The following INO80 variants were observed in gnomAD, a reference collection of about 807,000 sequenced individuals.
INO80 encodes the protein chromatin-remodeling ATPase INO80.
INO80 carries 20 observed loss-of-function variants against 203.4 expected under a neutral mutation model. That is an observed-to-expected ratio of 0.10 (90% CI 0.07 to 0.14). The LOEUF (loss-of-function observed/expected upper bound fraction) is 0.14, where lower values mean the gene tolerates loss of function less well. Ranked by LOEUF, INO80 falls within the 10% of genes least tolerant of loss-of-function variation. The pLI, the probability that INO80 is intolerant of heterozygous loss-of-function variation, is 1.00. For synonymous variants in INO80, 726 were observed against 685.2 expected, an observed-to-expected ratio of 1.06 and a Z score of -0.93; for missense variants, 1,419 against 1,914.4, an observed-to-expected ratio of 0.74 and a Z score of 4.83.
At chr15:41,022,898 C>G (rs2044315645) in intron 25 of INO80, among the ~76,000 whole-genome samples, 1 of 151,990 alleles carries the variant, frequency 6.6e-6, no homozygotes, top group Non-Finnish European at 1.5e-5. Flanking sequence ...GTCAGGAGTT[C>G]AAGACTAGCC....
intron 19 of INO80, among the ~76,000 whole-genome samples, chr15:41,051,504 T>C (rs1425754097): frequency 6.6e-6 from 1 of 150,870 alleles, no homozygotes; most frequent in African/African-American, 2.4e-5. Flanking sequence ...CCTCTCTATG[T>C]AGCACTAAAC....
At position 41,116,119 on chromosome 15, in the gene INO80, G is replaced by A; in HGVS notation, c.-190C>T. On this transcript the variant is annotated 5_prime_UTR_variant, in exon 1 of 36. Transcript: ENST00000648947. Reference sequence around the variant, plus strand: ...GACGGTGACTGCGTTGGGCGTGGACGCTCCTAGCTCGCTCCCTCCGCGGCT... The same window carrying A: ...GACGGTGACTGCGTTGGGCGTGGACACTCCTAGCTCGCTCCCTCCGCGGCT... The A allele has an allele frequency of 2.5e-6, 1 of 397,554 alleles. No individual in the cohort carries two copies. The highest frequency in any genetic ancestry group is 4.4e-6 in the Non-Finnish European group (1 of 225,352). 24.6% of individuals were successfully genotyped at this position (397,554 alleles called of 1,614,324 possible). A position where few individuals can be genotyped will look rare whatever the true frequency, so the allele number is the denominator to read the frequency against.
chr15:41,068,773 T>C (rs1596307355), intron 14 of INO80, among the ~76,000 whole-genome samples: 1 of 152,108 alleles, frequency 6.6e-6, no homozygotes, highest in South Asian at 2.1e-4. Flanking sequence ...GGCAGGAGGA[T>C]TGCTTGAACC....
chr15:41,051,538 C>T (rs1190687513), intron 19 of INO80, among the ~76,000 whole-genome samples: 1 of 151,372 alleles, frequency 6.6e-6, no homozygotes, highest in African/African-American at 2.4e-5. Context: ...TAGCTGGGTG[C>T]ACTGACTCAC....
At position 41,095,944 on chromosome 15, in the gene INO80, T is replaced by C. The variant is rs773009301; in HGVS notation, c.144-16A>G. ...ACTGTCATCACTATAAATTGAAGAA[T>C]GAGTCCACAATTACAGCTGACCCAA... On this transcript the variant is annotated splice_polypyrimidine_tract_variant and intron_variant, in intron 2 of 35. Transcript: ENST00000648947. 1 of 1,609,252 alleles carries C rather than the reference T, an allele frequency of 6.2e-7. No homozygotes were observed. Among genetic ancestry groups the C allele is most frequent in the Non-Finnish European group, 8.5e-7 (1 of 1,176,118 alleles).
chr15:41,051,255 T>C (rs998153675), intron 19 of INO80, among the ~76,000 whole-genome samples: 1 of 151,866 alleles, frequency 6.6e-6, no homozygotes, highest in African/African-American at 2.4e-5. Flanking sequence ...ACAGGCTGCA[T>C]ATTTCGATGT....
chr15:41,036,948 C>A (rs912338614), intron 24 of INO80, among the ~76,000 whole-genome samples: 2 of 151,898 alleles, frequency 1.3e-5, no homozygotes, highest in African/African-American at 4.8e-5. Flanking sequence ...ACTAAAAATA[C>A]GAAAATTAGC....
At chr15:41,028,317 G>A (rs960226736) in intron 24 of INO80, among the ~76,000 whole-genome samples, 4 of 152,064 alleles carry the variant, frequency 2.6e-5, no homozygotes, top group African/African-American at 4.8e-5. Flanking sequence ...TGCATTTTTG[G>A]TAGAGACAGG....
chr15:41,075,654 C>A (rs866297652), intron 9 of INO80, among the ~76,000 whole-genome samples: 2 of 152,262 alleles, frequency 1.3e-5, no homozygotes, highest in South Asian at 4.1e-4. Context: ...CGCGGTTTCA[C>A]TGCGTTAGCC....
intron 11 of INO80, among the ~76,000 whole-genome samples, chr15:41,072,816 T>G (rs1201346351): frequency 6.6e-6 from 1 of 151,336 alleles, no homozygotes; most frequent in African/African-American, 2.4e-5. Flanking sequence ...AGTCTCAATC[T>G]GTCGCCCAGG....
chr15:41,083,725 A>AC (rs1596317174), intron 7 of INO80, among the ~76,000 whole-genome samples: 1 of 152,156 alleles, frequency 6.6e-6, no homozygotes, highest in East Asian at 1.9e-4. Flanking sequence ...AAAAAAAAAA[A>AC]AAAAAAAATT....
chr15:40,998,012 C>A (rs2043902874), intron 28 of INO80, among the ~76,000 whole-genome samples: 1 of 130,204 alleles, frequency 7.7e-6, no homozygotes, highest in South Asian at 2.4e-4. Context: ...TATTCCAAAA[C>A]ACTCTTTTTT....
At chr15:41,108,143 G>A (rs2045907997) in intron 1 of INO80, among the ~76,000 whole-genome samples, 1 of 152,096 alleles carries the variant, frequency 6.6e-6, no homozygotes, top group African/African-American at 2.4e-5. Context: ...AAGTTCTATG[G>A]GTTTTGACAT....
At chr15:41,078,105 G>A (rs1412405426) in intron 9 of INO80, among the ~76,000 whole-genome samples, 1 of 151,772 alleles carries the variant, frequency 6.6e-6, no homozygotes, top group Non-Finnish European at 1.5e-5. Context: ...TCACCATGTT[G>A]GCCAAGCTGG....
At chr15:41,001,841 T>G (rs1448503342) in intron 28 of INO80, among the ~76,000 whole-genome samples, 1 of 152,226 alleles carries the variant, frequency 6.6e-6, no homozygotes, top group East Asian at 1.9e-4. Context: ...GCTTTCCAGT[T>G]GAAACTGCAA....
At chr15:41,109,807 C>G (rs2045933293) in intron 1 of INO80, among the ~76,000 whole-genome samples, 1 of 151,922 alleles carries the variant, frequency 6.6e-6, no homozygotes, top group Non-Finnish European at 1.5e-5. Context: ...TGGCACACAC[C>G]TGTAGTCCTA....
intron 14 of INO80, among the ~76,000 whole-genome samples, chr15:41,066,347 G>A (rs1380164062): frequency 2.0e-5 from 3 of 151,932 alleles, no homozygotes; most frequent in African/African-American, 7.3e-5. Context: ...TTTTTGTAGA[G>A]ACAAGGTCTA....
At chr15:41,044,599 A>C (rs1329318965) in intron 24 of INO80, among the ~76,000 whole-genome samples, 1 of 152,216 alleles carries the variant, frequency 6.6e-6, no homozygotes, top group African/African-American at 2.4e-5. Flanking sequence ...AGCTGGAAGT[A>C]TTCTATATAT....
At chr15:41,086,434 T>C (rs1054742292) in intron 6 of INO80, among the ~76,000 whole-genome samples, 1 of 152,048 alleles carries the variant, frequency 6.6e-6, no homozygotes, top group African/African-American at 2.4e-5. Context: ...GCGGATCACC[T>C]GAGGTCAGGA....
Sources: gnomAD v4.1 joint callset for allele counts (sites outside exome capture counted in the v4.1 genomes callset) on GRCh38, gnomAD v4.1.1 for gene constraint, MANE v1.5 for transcripts, NCBI Gene and HGNC (gene_info 2026-07-23, HGNC 2026-07-21) for gene names.